Variants in STXBP5L observed in about 807,000 individuals in gnomAD.
STXBP5L encodes syntaxin binding protein 5L.
In STXBP5L, 65 loss-of-function variants were observed where a neutral mutation model predicts 144.5. The observed-to-expected ratio is 0.45, with a 90% CI of 0.37 to 0.55. The LOEUF (loss-of-function observed/expected upper bound fraction) is 0.55, where lower values mean the gene tolerates loss of function less well. Among genes scored for constraint, STXBP5L ranks in the 20% least tolerant of loss-of-function variants. The pLI, the probability that STXBP5L is intolerant of heterozygous loss-of-function variation, is 0.00. For synonymous variants in STXBP5L, 505 were observed against 469.6 expected (o/e 1.08, Z -0.97); for missense variants, 1,298 against 1,405.5 (o/e 0.92, Z 1.22).
At chr3:121,109,994 G>A (rs931059844) in intron 5 of STXBP5L, among the ~76,000 whole-genome samples, 3 of 152,034 alleles carry the variant, frequency 2.0e-5, no homozygotes, top group African/African-American at 7.2e-5. Context: ...ATCTTTGTTG[G>A]TTTAAAGTCT....
At chr3:121,208,014 C>T (rs1286255792) in intron 10 of STXBP5L, among the ~76,000 whole-genome samples, 2 of 152,090 alleles carry the variant, frequency 1.3e-5, no homozygotes, top group Admixed American at 6.6e-5. Flanking sequence ...AATCATGCTG[C>T]TATAAAGACA....
chr3:121,026,363 A>G (rs139776204), intron 3 of STXBP5L, among the ~76,000 whole-genome samples: 101 of 152,166 alleles, frequency 6.6e-4, no homozygotes, highest in African/African-American at 2.4e-3. Flanking sequence ...TTTCCTTAAG[A>G]GACAACCACA....
chr3:121,235,320 C>T (rs1257505236), intron 12 of STXBP5L, among the ~76,000 whole-genome samples: 27 of 151,832 alleles, frequency 1.8e-4, no homozygotes, highest in Admixed American at 1.7e-3. Flanking sequence ...CAATTTTTTT[C>T]TTTTTATCTT....
At chr3:121,257,936 A>G (rs1424593380) in intron 17 of STXBP5L, among the ~76,000 whole-genome samples, 2 of 152,124 alleles carry the variant, frequency 1.3e-5, no homozygotes, top group Non-Finnish European at 2.9e-5. Context: ...AAAAATAATA[A>G]TGATAATTTT....
rs536591022 is a variant in STXBP5L at position 121,279,592 on chromosome 3, GATC to G, written c.1959-209_1959-207del. On this transcript the variant is annotated intron_variant, in intron 18 of 26. Transcript: ENST00000471454. ...AAACTGCTGGCAAAATATAATTGCC[GATC>G]ATCCTTTTTTTGTGGTAAATTGTAT... Among the ~76,000 whole-genome samples the G allele has an allele frequency of 1.7e-4, 26 of 151,884 alleles. No homozygotes were observed. In the East Asian group the frequency reaches 3.1e-3, roughly 18 times the overall value.
chr3:121,086,324 C>T (rs1264252116), intron 5 of STXBP5L, among the ~76,000 whole-genome samples: 1 of 151,918 alleles, frequency 6.6e-6, no homozygotes, highest in Non-Finnish European at 1.5e-5. Flanking sequence ...ACAAAGATTA[C>T]AATAAGGCAT....
At chr3:120,972,395 T>C (rs1376526793) in intron 3 of STXBP5L, among the ~76,000 whole-genome samples, 3 of 152,080 alleles carry the variant, frequency 2.0e-5, no homozygotes, top group Non-Finnish European at 2.9e-5. Flanking sequence ...ATATAAATGG[T>C]TTTGATTTTT....
intron 3 of STXBP5L, among the ~76,000 whole-genome samples, chr3:121,040,255 A>G (rs186312004): frequency 6.6e-6 from 1 of 152,188 alleles, no homozygotes; most frequent in East Asian, 1.9e-4. Flanking sequence ...CAGTTAAGCT[A>G]TGTGGAACAG....
At chr3:121,344,969 A>G (rs2044894357) in intron 20 of STXBP5L, among the ~76,000 whole-genome samples, 1 of 150,466 alleles carries the variant, frequency 6.6e-6, no homozygotes, top group Non-Finnish European at 1.5e-5. Context: ...GATTATATAT[A>G]TATACACATT....
intron 7 of STXBP5L, among the ~76,000 whole-genome samples, chr3:121,150,890 CCA>C (rs2045908241): frequency 6.6e-6 from 1 of 151,984 alleles, no homozygotes; most frequent in African/African-American, 2.4e-5. Context: ...GAGTTCGAAA[CCA>C]GCCTGGCCAA....
At chr3:121,113,749 T>C (rs4089688) in intron 5 of STXBP5L, among the ~76,000 whole-genome samples, 15,195 of 148,450 alleles carry the variant, frequency 0.1, 1,236 homozygotes, top group Admixed American at 0.2. Flanking sequence ...TCTCGGCTCA[T>C]GGTAACCCTA....
chr3:121,327,104 C>A (rs541414067), intron 20 of STXBP5L, among the ~76,000 whole-genome samples: 1 of 152,122 alleles, frequency 6.6e-6, no homozygotes. Context: ...GCCAATACAA[C>A]ATCCTTATGA....
chr3:121,046,943 G>A (rs535605223), intron 5 of STXBP5L, among the ~76,000 whole-genome samples: 1 of 152,086 alleles, frequency 6.6e-6, no homozygotes, highest in Non-Finnish European at 1.5e-5. Context: ...TAGGTGTAAT[G>A]TTAGGTTGCT....
intron 5 of STXBP5L, among the ~76,000 whole-genome samples, chr3:121,047,006 C>A (rs572318150): frequency 3.9e-4 from 60 of 152,082 alleles, no homozygotes; most frequent in African/African-American, 1.2e-3. Context: ...ATAAACTTTC[C>A]TCTTAGCACT....
In STXBP5L at chr3:121,390,707, T is replaced by C. The variant is rs574756302; in HGVS notation, c.2587+9175T>C. On this transcript the variant is annotated intron_variant, in intron 22 of 26. Coordinates refer to ENST00000471454, the MANE Select transcript of STXBP5L (RefSeq NM_001308330.2). ...TTTTTTCTTTAAGAATGTTGAATATTGGCCCCCACTCTCTTCTGGCTTGTA... is the reference window on the plus strand; with the variant it reads ...TTTTTTCTTTAAGAATGTTGAATATCGGCCCCCACTCTCTTCTGGCTTGTA... Among the ~76,000 whole-genome samples the C allele has an allele frequency of 1.8e-4, 28 of 152,334 alleles. 1 individual carries two copies. The highest frequency in any genetic ancestry group is 1.5e-3 in the Admixed American group (23 of 15,304).
chr3:121,349,458 T>C (rs1281380079), intron 20 of STXBP5L, among the ~76,000 whole-genome samples: 1 of 152,070 alleles, frequency 6.6e-6, no homozygotes, highest in African/African-American at 2.4e-5. Flanking sequence ...GAGAGTTCTG[T>C]AGATGTCTAT....
chr3:121,201,160 G>T (rs905335526), intron 9 of STXBP5L, among the ~76,000 whole-genome samples: 2 of 152,090 alleles, frequency 1.3e-5, no homozygotes, highest in Admixed American at 6.6e-5. Context: ...TATGAATCTG[G>T]GTGGTATATT....
intron 19 of STXBP5L, among the ~76,000 whole-genome samples, chr3:121,304,700 A>T (rs897323463): frequency 6.6e-6 from 1 of 152,124 alleles, no homozygotes; most frequent in Non-Finnish European, 1.5e-5. Context: ...AATTTATGAG[A>T]TATTACTGAA....
Position 121,279,844 on chromosome 3 carries a change from T to G in STXBP5L, c.1998T>G (p.Asp666Glu). The G allele has an allele frequency of 6.2e-7, 1 of 1,612,636 alleles. No homozygotes were observed. ...FGNCNGLAVV[D>E]FIQKTVLLSM... ...ACTGCAATGGGTTGGCTGTGGTGGA[T>G]TTTATACAGAAGACAGTACTGTTAA... Residue 666 changes from aspartate to glutamate, a missense_variant, in exon 19 of 27, where the codon GAT (aspartate) becomes GAG (glutamate). By Grantham distance (45) the Asp-to-Glu change is conservative (BLOSUM62 2). Transcript: ENST00000471454.
Sources: gnomAD v4.1 joint callset for allele counts (sites outside exome capture counted in the v4.1 genomes callset) on GRCh38, gnomAD v4.1.1 for gene constraint, MANE v1.5 for transcripts, NCBI Gene and HGNC (gene_info 2026-07-23, HGNC 2026-07-21) for gene names.